The following VWA8 variants were observed in gnomAD, a reference collection of about 807,000 sequenced individuals.
The protein encoded by VWA8 is von Willebrand factor A domain containing 8.
Under a neutral mutation model 241.5 loss-of-function variants are expected in VWA8, and 221 were observed. That is an observed-to-expected ratio of 0.91 (90% CI 0.82 to 1.02). The LOEUF (loss-of-function observed/expected upper bound fraction) is 1.02, where lower values mean the gene tolerates loss of function less well. Among genes scored for constraint, VWA8 ranks in the 50% least tolerant of loss-of-function variants. The pLI, the probability that VWA8 is intolerant of heterozygous loss-of-function variation, is 0.00. For synonymous variants in VWA8, 852 were observed against 827.1 expected (o/e 1.03, Z -0.52); for missense variants, 2,322 against 2,328.7 (o/e 1.00, Z 0.06).
intron 2 of VWA8, among the ~76,000 whole-genome samples, chr13:41,919,973 A>G (rs1227880806): frequency 6.6e-6 from 1 of 152,126 alleles, no homozygotes; most frequent in East Asian, 1.9e-4. Context: ...TTTCCTCCCT[A>G]GAACAGGACT....
At chr13:41,690,078 G>T in intron 33 of VWA8, 88 bp downstream of exon 33, 2 of 1,122,306 alleles carry the variant, frequency 1.8e-6, no homozygotes, top group Non-Finnish European at 2.5e-6. Context: ...AACATAGGCT[G>T]GTGTTTTGTT....
chr13:41,926,578 T>C, intron 2 of VWA8: 3 of 547,312 alleles, frequency 5.5e-6, no homozygotes, highest in South Asian at 2.8e-5. Context: ...GGCACAATCC[T>C]GAGTTCACCA....
chr13:41,568,333 T>C (rs892447993), intron 44 of VWA8, 28 bp from the exon 45 acceptor site: 1 of 1,598,548 alleles, frequency 6.3e-7, no homozygotes, highest in African/African-American at 1.3e-5. Context: ...GAAAGGAAGT[T>C]ACCACTGTAA....
At chr13:41,586,454 C>T (rs2044418662) in intron 42 of VWA8, among the ~76,000 whole-genome samples, 1 of 152,196 alleles carries the variant, frequency 6.6e-6, no homozygotes, top group Non-Finnish European at 1.5e-5. Context: ...TTGGACAGAG[C>T]CCGGCAACCC....
intron 12 of VWA8, among the ~76,000 whole-genome samples, chr13:41,835,005 C>T (rs527837787): frequency 2.4e-4 from 36 of 152,306 alleles, no homozygotes; most frequent in Non-Finnish European, 4.3e-4. Flanking sequence ...ACCACGTGTT[C>T]TCACTTATAA....
intron 1 of VWA8, among the ~76,000 whole-genome samples, chr13:41,954,936 A>C (rs1188667478): frequency 6.6e-6 from 1 of 152,202 alleles, no homozygotes; most frequent in Non-Finnish European, 1.5e-5. Flanking sequence ...TAAATAAGAA[A>C]AATTTTTGAA....
intron 20 of VWA8, among the ~76,000 whole-genome samples, chr13:41,762,986 G>C (rs1449685528): frequency 6.6e-5 from 10 of 151,950 alleles, no homozygotes; most frequent in Admixed American, 6.6e-5. Context: ...AAAGAAGAAC[G>C]GGCCAGGCGC....
At chr13:41,642,562 C>CAAA (rs1156882566) in intron 37 of VWA8, among the ~76,000 whole-genome samples, 11 of 61,598 alleles carry the variant, frequency 1.8e-4, no homozygotes, top group East Asian at 4.8e-4. Flanking sequence ...CCGTCTCAAA[C>CAAA]AAAAAAAAAA....
chr13:41,939,639 T>C (rs944881484), intron 2 of VWA8, among the ~76,000 whole-genome samples: 2 of 152,224 alleles, frequency 1.3e-5, no homozygotes, highest in Admixed American at 6.5e-5. Context: ...CTGTAGACTA[T>C]ACATATTTAT....
chr13:41,872,736 AGT>A (rs1346608069), intron 9 of VWA8, among the ~76,000 whole-genome samples: 4 of 152,216 alleles, frequency 2.6e-5, no homozygotes, highest in African/African-American at 9.6e-5. Flanking sequence ...GAAGTCAGGT[AGT>A]GTGATGCCTC....
intron 37 of VWA8, among the ~76,000 whole-genome samples, chr13:41,650,711 C>T (rs547687006): frequency 4.7e-4 from 72 of 152,318 alleles, no homozygotes; most frequent in African/African-American, 1.7e-3. Context: ...GGGACATACA[C>T]TCTGCTCTGG....
intron 26 of VWA8, among the ~76,000 whole-genome samples, chr13:41,718,719 C>CT (rs1362297970): frequency 6.6e-6 from 1 of 150,610 alleles, no homozygotes; most frequent in African/African-American, 2.4e-5. Flanking sequence ...ATATATGCAA[C>CT]TTTTTTTGCT....
At chr13:41,880,894 G>C (rs907155164) in intron 9 of VWA8, among the ~76,000 whole-genome samples, 5 of 152,152 alleles carry the variant, frequency 3.3e-5, no homozygotes, top group Admixed American at 3.3e-4. Context: ...AATACCCTGT[G>C]TCTCATAGAG....
intron 22 of VWA8, 131 bp from the exon 23 acceptor site, chr13:41,729,808 C>CAG: frequency 5.2e-5 from 25 of 483,828 alleles, no homozygotes; most frequent in East Asian, 1.8e-4. Context: ...GACACACACA[C>CAG]ACACACACAC....
At chr13:41,576,856 G>GC (rs1358467768) in intron 42 of VWA8, among the ~76,000 whole-genome samples, 1 of 152,248 alleles carries the variant, frequency 6.6e-6, no homozygotes, top group East Asian at 1.9e-4. Flanking sequence ...ATGGCCCCTG[G>GC]CCCATAGCCC....
intron 10 of VWA8, 85 bp downstream of exon 10, chr13:41,868,261 A>T (rs748191651): frequency 2.7e-6 from 4 of 1,474,822 alleles, no homozygotes; most frequent in Non-Finnish European, 3.8e-6. Flanking sequence ...GAGAAGACTT[A>T]CAAGGAGATC....
chr13:41,957,009 GAT>G (rs1878379093), intron 1 of VWA8, among the ~76,000 whole-genome samples: 1 of 152,182 alleles, frequency 6.6e-6, no homozygotes, highest in African/African-American at 2.4e-5. Flanking sequence ...GGGAGGCAAA[GAT>G]GGGCAGATCA....
intron 12 of VWA8, chr13:41,864,487 T>C (rs1237337848): frequency 2.7e-6 from 1 of 364,058 alleles, no homozygotes; most frequent in East Asian, 8.0e-5. Context: ...CAACAGAATA[T>C]GACTTTGCCC....
Position 41,781,955 on chromosome 13 carries a change from C to T in VWA8, c.2277+1840G>A, listed in dbSNP as rs577138020. ...CAGGGCATAGGACAACAAGATGATACAGAAGCACCTAAATCTGCAAGAGGC... is the reference window on the plus strand; with the variant it reads ...CAGGGCATAGGACAACAAGATGATATAGAAGCACCTAAATCTGCAAGAGGC... On this transcript the variant is annotated intron_variant, in intron 19 of 44. Transcript: ENST00000379310. 1.5e-3 allele frequency among the ~76,000 whole-genome samples: 228 copies of T among 152,288 alleles called. 8 individuals are homozygous for T. The highest frequency in any genetic ancestry group is 3.4e-4 in the Non-Finnish European group (23 of 68,024).
Sources: gnomAD v4.1 joint callset for allele counts (sites outside exome capture counted in the v4.1 genomes callset) on GRCh38, gnomAD v4.1.1 for gene constraint, MANE v1.5 for transcripts, NCBI Gene and HGNC (gene_info 2026-07-23, HGNC 2026-07-21) for gene names.